Variants in OCLN observed in about 807,000 individuals in gnomAD.
The protein encoded by OCLN is phosphatase 1, regulatory subunit 115.
Under a neutral mutation model 47.9 loss-of-function variants are expected in OCLN, and 21 were observed. The ratio of observed to expected loss-of-function variants is 0.44; its 90% CI spans 0.31 to 0.63. OCLN has a LOEUF of 0.63. Among genes scored for constraint, OCLN ranks in the 30% least tolerant of loss-of-function variants. The probability of loss-of-function intolerance (pLI) is 0.08; values close to 1 mark genes in which losing one functional copy is unlikely to be tolerated. For synonymous variants in OCLN, 117 were observed against 198.4 expected, an observed-to-expected ratio of 0.59 and a Z score of 3.45; for missense variants, 360 against 571.0, an observed-to-expected ratio of 0.63 and a Z score of 3.77.
intron 4 of OCLN, among the ~76,000 whole-genome samples, chr5:69,522,791 A>T (rs1769175561): frequency 6.6e-6 from 1 of 151,292 alleles, no homozygotes; most frequent in South Asian, 2.1e-4. Context: ...GCAATGGCGC[A>T]ATCATAGCTT....
chr5:69,526,819 C>T lies in OCLN; in HGVS notation c.892-7875C>T, dbSNP rs191556842. On this transcript the variant is annotated intron_variant, in intron 4 of 8. Transcript: ENST00000396442. Reference sequence around the variant, plus strand: ...AAGAGCTTAATGCTGAACAGGTTGGCCATACATTCCTATTCAACAGGTTAT... The same window carrying T: ...AAGAGCTTAATGCTGAACAGGTTGGTCATACATTCCTATTCAACAGGTTAT... Among the ~76,000 whole-genome samples, 124 of 152,274 alleles carry T rather than the reference C, an allele frequency of 8.1e-4. 1 individual carries two copies. Among genetic ancestry groups the T allele is most frequent in the Non-Finnish European group, 1.5e-3 (103 of 68,026 alleles).
intron 1 of OCLN, among the ~76,000 whole-genome samples, chr5:69,501,198 G>A (rs1768449163): frequency 6.6e-6 from 1 of 152,188 alleles, no homozygotes; most frequent in African/African-American, 2.4e-5. Flanking sequence ...TTACAGGTGT[G>A]AGCCACCTCA....
intron 4 of OCLN, among the ~76,000 whole-genome samples, chr5:69,533,043 A>G (rs1769483354): frequency 4.0e-5 from 6 of 149,338 alleles, no homozygotes; most frequent in African/African-American, 1.2e-4. Flanking sequence ...ACACATGTAT[A>G]TATACACATA....
intron 3 of OCLN, among the ~76,000 whole-genome samples, 185 bp from the exon 4 acceptor site, chr5:69,513,763 A>G (rs1768848814): frequency 6.6e-6 from 1 of 152,188 alleles, no homozygotes; most frequent in Non-Finnish European, 1.5e-5. Flanking sequence ...GCCTTAGCCC[A>G]GTTAGTGTGG....
Position 69,509,234 on chromosome 5 carries a change from A to G in OCLN, c.144A>G (p.Pro48=), listed in dbSNP as rs771757543. The change falls in exon 3 of 9, where the codon CCA becomes CCG. Residue 48 remains proline (P), a synonymous_variant. Coordinates refer to ENST00000396442, the MANE Select transcript of OCLN (RefSeq NM_001205254.2). ...MLSQPAYSFY[P]EDEILHFYKW... Reference sequence around the variant, plus strand: ...CTCAGCCAGCCTACTCTTTTTACCCAGAAGATGAAATTCTTCACTTCTACA... The same window carrying G: ...CTCAGCCAGCCTACTCTTTTTACCCGGAAGATGAAATTCTTCACTTCTACA... The G allele has an allele frequency of 6.2e-7, 1 of 1,614,214 alleles. No homozygotes were observed. The highest frequency in any genetic ancestry group is 8.5e-7 in the Non-Finnish European group (1 of 1,180,004).
At chr5:69,549,923 A>C (rs1035195884) in intron 7 of OCLN, among the ~76,000 whole-genome samples, 3 of 151,056 alleles carry the variant, frequency 2.0e-5, no homozygotes, top group South Asian at 2.1e-4. Flanking sequence ...CTTTAAAAAA[A>C]AAACAAACAA....
rs532259650 is a variant in OCLN at position 69,525,927 on chromosome 5, A to G, written c.892-8767A>G. The stretch of plus-strand genomic sequence containing the variant: ...GGTACCCTCAGCTGTTCTCATGCCG[A>G]GTGAACCTTCTCACCGTTTTTCTAG... On this transcript the variant is annotated intron_variant, in intron 4 of 8. Coordinates refer to ENST00000396442, the MANE Select transcript of OCLN (RefSeq NM_001205254.2). 3.3e-5 allele frequency among the ~76,000 whole-genome samples: 5 copies of G among 152,278 alleles called. 1 individual carries two copies. The South Asian group carries it at 1.0e-3, about 32-fold the overall frequency.
chr5:69,498,685 T>A (rs1040810438), intron 1 of OCLN, among the ~76,000 whole-genome samples: 39 of 151,944 alleles, frequency 2.6e-4, no homozygotes, highest in African/African-American at 9.0e-4. Context: ...CTTTTTTTTT[T>A]AATTGTTTTT....
At chr5:69,505,759 G>A (rs1768582157) in intron 2 of OCLN, among the ~76,000 whole-genome samples, 3 of 152,212 alleles carry the variant, frequency 2.0e-5, no homozygotes, top group South Asian at 2.1e-4. Context: ...CATGATAAGT[G>A]TAGTGGAGTG....
intron 4 of OCLN, among the ~76,000 whole-genome samples, chr5:69,522,034 C>A (rs1305383890): frequency 6.6e-6 from 1 of 152,188 alleles, no homozygotes; most frequent in Non-Finnish European, 1.5e-5. Context: ...GAGGGTCTCA[C>A]TATGTTACCC....
intron 4 of OCLN, 99 bp downstream of exon 4, chr5:69,514,208 T>A: frequency 1.8e-6 from 2 of 1,088,794 alleles, no homozygotes. Context: ...AATTAATGTT[T>A]GTATATGTTG....
intron 3 of OCLN, among the ~76,000 whole-genome samples, chr5:69,511,241 ATTTT>A (rs56327483): frequency 1.4e-5 from 2 of 142,710 alleles, no homozygotes; most frequent in Non-Finnish European, 3.0e-5. Flanking sequence ...CGCCCAGCTA[ATTTT>A]TTTTTTTTTT....
chr5:69,514,371 A>G (rs1768869210), intron 4 of OCLN, among the ~76,000 whole-genome samples: 1 of 152,158 alleles, frequency 6.6e-6, no homozygotes, highest in South Asian at 2.1e-4. Context: ...TGCAGAAAGA[A>G]CTTGGCCTTT....
At chr5:69,500,270 C>T (rs1339946217) in intron 1 of OCLN, among the ~76,000 whole-genome samples, 1 of 152,192 alleles carries the variant, frequency 6.6e-6, no homozygotes, top group Non-Finnish European at 1.5e-5. Context: ...TCAAGATTTT[C>T]AGGATTCTTT....
chr5:69,502,867 A>G (rs1295431841), intron 1 of OCLN, among the ~76,000 whole-genome samples: 1 of 152,172 alleles, frequency 6.6e-6, no homozygotes, highest in Non-Finnish European at 1.5e-5. Flanking sequence ...CATGGATGCT[A>G]ACACCAGATG....
At position 69,509,357 on chromosome 5, in the gene OCLN, G is replaced by A; in HGVS notation, c.267G>A (p.Trp89Ter). The change falls in exon 3 of 9, where the codon TGG (tryptophan) becomes TGA (stop). Residue 89 changes from tryptophan (W) to a stop codon, truncating the protein, a stop_gained. Coordinates refer to ENST00000396442, the MANE Select transcript of OCLN (RefSeq NM_001205254.2). LOFTEE classifies it high-confidence loss of function. ...CCTGTGTGGCCTCCACGCTTGCCTG[G>A]GACAGAGGCTATGGAACTTCCCTTT... ...IFACVASTLA[W>*]DRGYGTSLLG... 6.2e-7 allele frequency: 1 copy of A among 1,614,122 alleles called. No individual in the cohort carries two copies. Among genetic ancestry groups the A allele is most frequent in the South Asian group, 1.1e-5 (1 of 91,074 alleles).
chr5:69,548,589 G>A lies in OCLN; in HGVS notation c.1425+488G>A, dbSNP rs1199308428. ...CCCGTCTTAGCCTCCCAAAGTGCTG[G>A]GATTACAGGCGTGAGCCACCGCGCC... On this transcript the variant is annotated intron_variant, in intron 7 of 8. Coordinates refer to ENST00000396442, the MANE Select transcript of OCLN (RefSeq NM_001205254.2). 3.3e-5 allele frequency among the ~76,000 whole-genome samples: 5 copies of A among 149,264 alleles called. No individual in the cohort carries two copies. The South Asian group carries it at 6.4e-4, about 19-fold the overall frequency.
intron 7 of OCLN, among the ~76,000 whole-genome samples, chr5:69,549,415 T>A (rs1769800077): frequency 6.8e-6 from 1 of 146,614 alleles, no homozygotes; most frequent in African/African-American, 2.5e-5. Context: ...TCTTAAATCC[T>A]ACCATCAAGA....
chr5:69,536,083 C>A (rs1265362127), intron 5 of OCLN, among the ~76,000 whole-genome samples: 1 of 152,204 alleles, frequency 6.6e-6, no homozygotes, highest in African/African-American at 2.4e-5. Context: ...TGCCATTGCA[C>A]TCCAGCCTGG....
Sources: gnomAD v4.1 joint callset for allele counts (sites outside exome capture counted in the v4.1 genomes callset) on GRCh38, gnomAD v4.1.1 for gene constraint, MANE v1.5 for transcripts, NCBI Gene and HGNC (gene_info 2026-07-23, HGNC 2026-07-21) for gene names.